Variants in FGF3 observed in about 807,000 individuals in gnomAD.
The protein encoded by FGF3 is fibroblast growth factor 3.
In FGF3, 7 loss-of-function variants were observed where a neutral mutation model predicts 9.8. The ratio of observed to expected loss-of-function variants is 0.72; its 90% confidence interval spans 0.41 to 1.35. The LOEUF is 1.35. Ranked by LOEUF, FGF3 falls within the 40% of genes most tolerant of loss-of-function variation. FGF3 has a pLI of 0.01. For synonymous variants in FGF3, 173 were observed against 157.2 expected, an observed-to-expected ratio of 1.10 and a Z score of -0.75; for missense variants, 390 against 345.6, an observed-to-expected ratio of 1.13 and a Z score of -1.02.
chr11:69,813,938 T>TGATGGGTGGATGGGTG (rs782814843), intron 2 of FGF3, among the ~76,000 whole-genome samples: 1 of 29,488 alleles, frequency 3.4e-5, no homozygotes, highest in Non-Finnish European at 7.7e-5. Flanking sequence ...GTGGATGGGT[T>TGATGGGTGGATGGGTG]GATGGGTGGA....
At chr11:69,814,111 G>A (rs193013653) in intron 2 of FGF3, among the ~76,000 whole-genome samples, 80 of 152,194 alleles carry the variant, frequency 5.3e-4, no homozygotes, top group African/African-American at 1.7e-3. Context: ...GGACAGATGG[G>A]TGAAGAGAAT....
Position 69,818,907 on chromosome 11 carries a change from G to A in FGF3, c.27C>T (p.Leu9=). The change falls in exon 1 of 3, where the codon CTC becomes CTT. Residue 9 remains leucine (L), a synonymous_variant. Transcript: ENST00000334134. ...CGGGCCAGCCGGGCTCCAGCAGGCT[G>A]AGCAGTAGCAGCCAGATTAGGCCCA... MGLIWLLL[L]SLLEPGWPAA... 8 of 1,472,722 alleles carry A rather than the reference G, an allele frequency of 5.4e-6. No homozygotes were observed. The highest frequency in any genetic ancestry group is 7.2e-6 in the Non-Finnish European group (8 of 1,118,054). The allele number at this position is 1,472,722 out of a possible 1,614,324, so 91.2% of individuals were successfully genotyped here. A position where few individuals can be genotyped will look rare whatever the true frequency, so the allele number is the denominator to read the frequency against.
Position 69,819,222 on chromosome 11 carries a change from G to T in FGF3, c.-289C>A, listed in dbSNP as rs1657697840. ...TGCGCAAAGCGCTGAAAGAAAGGAC[G>T]GTTCGCCAACAAAAGGCCGACGTGG... On this transcript the variant is annotated 5_prime_UTR_variant, in exon 1 of 3. Coordinates refer to ENST00000334134, the MANE Select transcript of FGF3 (RefSeq NM_005247.4). Among the ~76,000 whole-genome samples, 1 of 152,014 alleles carries T rather than the reference G, an allele frequency of 6.6e-6. No individual in the cohort carries two copies. Among genetic ancestry groups the T allele is most frequent in the South Asian group, 2.1e-4 (1 of 4,822 alleles).
intron 2 of FGF3, among the ~76,000 whole-genome samples, chr11:69,814,251 G>T (rs1856092064): frequency 6.6e-6 from 1 of 152,044 alleles, no homozygotes; most frequent in Non-Finnish European, 1.5e-5. Flanking sequence ...TGCTCTCAGG[G>T]ATGAGGCAGA....
At chr11:69,816,010 T>G (rs1455925892) in intron 2 of FGF3, among the ~76,000 whole-genome samples, 12 of 152,144 alleles carry the variant, frequency 7.9e-5, no homozygotes, top group Non-Finnish European at 1.3e-4. Context: ...GAACAATCAC[T>G]TCCCTGCTCT....
Position 69,819,098 on chromosome 11 carries a change from G to A in FGF3, c.-165C>T, listed in dbSNP as rs1856196837. The A allele has an allele frequency of 4.4e-6, 2 of 452,572 alleles. No individual in the cohort carries two copies. Among genetic ancestry groups the A allele is most frequent in the African/African-American group, 2.1e-5 (1 of 48,428 alleles). The allele number at this position is 452,572 out of a possible 1,614,324, so 28.0% of individuals were successfully genotyped here. On this transcript the variant is annotated 5_prime_UTR_variant, in exon 1 of 3. Coordinates refer to ENST00000334134, the MANE Select transcript of FGF3 (RefSeq NM_005247.4). ...GGTGGGGGAAGAAGGGGGAAGGGTGGGCGAGAGAGAGAAAGAGAGGGAGAG... is the reference window on the plus strand; with the variant it reads ...GGTGGGGGAAGAAGGGGGAAGGGTGAGCGAGAGAGAGAAAGAGAGGGAGAG...
At chr11:69,818,611 C>A in intron 1 of FGF3, 103 bp downstream of exon 1, 1 of 840,788 alleles carries the variant, frequency 1.2e-6, no homozygotes. Flanking sequence ...CCAGACCCCT[C>A]CCCGGCGCCG....
Position 69,819,224 on chromosome 11 carries a change from T to C in FGF3, c.-291A>G, listed in dbSNP as rs1475277794. 6.6e-6 allele frequency among the ~76,000 whole-genome samples: 1 copy of C among 151,926 alleles called. No individual in the cohort carries two copies. Among genetic ancestry groups the C allele is most frequent in the Non-Finnish European group, 1.5e-5 (1 of 67,960 alleles). On this transcript the variant is annotated 5_prime_UTR_variant, in exon 1 of 3. Coordinates refer to ENST00000334134, the MANE Select transcript of FGF3 (RefSeq NM_005247.4). ...CGCAAAGCGCTGAAAGAAAGGACGG[T>C]TCGCCAACAAAAGGCCGACGTGGTC...
rs1554981472 is a variant in FGF3, at chr11:69,818,949, G to T, written c.-16C>A. 2 of 1,448,644 alleles carry T rather than the reference G, an allele frequency of 1.4e-6. No individual in the cohort carries two copies. The highest frequency in any genetic ancestry group is 4.9e-5 in the Admixed American group (2 of 40,650). The allele number at this position is 1,448,644 out of a possible 1,614,324, so 89.7% of individuals were successfully genotyped here. ...TTAGGCCCATCGTGGCATCGCGCCCGCCCCGCGGCGGCGGCGGCTGCAGGC... is the reference window on the plus strand; with the variant it reads ...TTAGGCCCATCGTGGCATCGCGCCCTCCCCGCGGCGGCGGCGGCTGCAGGC... On this transcript the variant is annotated 5_prime_UTR_variant, in exon 1 of 3. Transcript: ENST00000334134.
In FGF3 at chr11:69,818,844, G is replaced by A. The variant is rs1417490132; in HGVS notation, c.90C>T (p.Gly30=). The A allele has an allele frequency of 1.4e-6, 2 of 1,472,096 alleles. No homozygotes were observed. Among genetic ancestry groups the A allele is most frequent in the Admixed American group, 2.4e-5 (1 of 41,816 alleles). The allele number at this position is 1,472,096 out of a possible 1,614,324, so 91.2% of individuals were successfully genotyped here. The change falls in exon 1 of 3, where the codon GGC becomes GGT. Residue 30 remains glycine (G), a synonymous_variant. Transcript: ENST00000334134. ...GGTGCTCGTAGACGCCGCCACGGCC[G>A]CCCGCATCGCGCCGCAACCGCGCCC... is the stretch of plus-strand genomic sequence containing the variant. ...GPGARLRRDA[G]GRGGVYEHLG... is the part of the protein sequence containing the mutation.
At chr11:69,815,548 G>A (rs1856117222) in intron 2 of FGF3, among the ~76,000 whole-genome samples, 1 of 152,202 alleles carries the variant, frequency 6.6e-6, no homozygotes, top group Non-Finnish European at 1.5e-5. Context: ...TCACTGCAGG[G>A]AGATTGTCCT....
chr11:69,816,342 T>C lies in FGF3; in HGVS notation c.302A>G (p.Lys101Arg). The change falls in exon 2 of 3, where the codon AAG becomes AGG. Residue 101 changes from lysine to arginine, a missense_variant. Lys to Arg is a conservative substitution (Grantham distance 26). Transcript: ENST00000334134. ...LFSGRYLAMNKRGRLYASEHY... is the reference protein window; with the variant it reads ...LFSGRYLAMNRRGRLYASEHY... ...CACCGAAGCATAGAGTCGTCCCCTC[T>C]TGTTCATGGCCAGGTACCGCCCGGA... 2 of 1,613,992 alleles carry C rather than the reference T, an allele frequency of 1.2e-6. No homozygotes were observed. The highest frequency in any genetic ancestry group is 1.7e-6 in the Non-Finnish European group (2 of 1,179,898).
intron 1 of FGF3, 22 bp downstream of exon 1, chr11:69,818,691 GC>G: frequency 6.9e-7 from 1 of 1,454,772 alleles, no homozygotes. Context: ...TTCCCCCGGG[GC>G]CCCGCAGCGT....
rs782098384 is a variant in FGF3 at position 69,816,326 on chromosome 11, A to T, written c.318T>A (p.Tyr106Ter). The T allele has an allele frequency of 1.9e-5, 31 of 1,613,196 alleles. No individual in the cohort carries two copies. The highest frequency in any genetic ancestry group is 2.5e-5 in the Non-Finnish European group (29 of 1,179,272). Reference protein sequence around the residue: ...YLAMNKRGRLYASEHYSAECE... With the variant: ...YLAMNKRGRL ...CGTGACAGCCTGGACTCACCGAAGC[A>T]TAGAGTCGTCCCCTCTTGTTCATGG... is the stretch of plus-strand genomic sequence containing the variant. The change falls in exon 2 of 3, where the codon TAT becomes TAA. Residue 106 changes from tyrosine (Y) to a stop codon, truncating the protein, a stop_gained. Coordinates refer to ENST00000334134, the MANE Select transcript of FGF3 (RefSeq NM_005247.4). LOFTEE classifies it low-confidence loss of function (END_TRUNC).
intron 2 of FGF3, 65 bp from the exon 3 acceptor site, chr11:69,810,765 TGC>T (rs1214157030): frequency 7.1e-7 from 1 of 1,415,198 alleles, no homozygotes; most frequent in Non-Finnish European, 9.5e-7. Flanking sequence ...GGCCCAGGGT[TGC>T]CTGATGCCTC....
At chr11:69,815,246 GTGGA>G (rs1341819309) in intron 2 of FGF3, among the ~76,000 whole-genome samples, 1 of 149,076 alleles carries the variant, frequency 6.7e-6, no homozygotes, top group Non-Finnish European at 1.5e-5. Flanking sequence ...GGGTGGATGG[GTGGA>G]TGGATGGATG....
intron 1 of FGF3, among the ~76,000 whole-genome samples, chr11:69,818,383 C>A (rs1856176298): frequency 6.6e-6 from 1 of 152,112 alleles, no homozygotes; most frequent in Non-Finnish European, 1.5e-5. Flanking sequence ...AGCTCGCGTC[C>A]CCTCAGACCA....
rs1554980371 is a variant in FGF3 at position 69,810,624 on chromosome 11, T to C, written c.401A>G (p.Tyr134Cys). ...LGYNTYASRLYRTVSSTPGAR... is the reference protein window; with the variant it reads ...LGYNTYASRLCRTVSSTPGAR... ...CCCAGGCGTACTAGACACCGTCCGG[T>C]ACAGCCGGGAGGCATACGTATTATA... The change falls in exon 3 of 3, where the codon TAC becomes TGC. Residue 134 changes from tyrosine (Y) to cysteine (C), a missense_variant. Tyr to Cys is a radical substitution (Grantham distance 194, BLOSUM62 -2). Coordinates refer to ENST00000334134, the MANE Select transcript of FGF3 (RefSeq NM_005247.4). The C allele has an allele frequency of 6.2e-7, 1 of 1,606,540 alleles. No homozygotes were observed. Among genetic ancestry groups the C allele is most frequent in the South Asian group, 1.1e-5 (1 of 90,704 alleles).
At chr11:69,812,722 C>T (rs1856048931) in intron 2 of FGF3, among the ~76,000 whole-genome samples, 1 of 152,164 alleles carries the variant, frequency 6.6e-6, no homozygotes, top group Admixed American at 6.5e-5. Flanking sequence ...CTGTGAGAAG[C>T]TCAGGGCAGG....
Sources: gnomAD v4.1 joint callset for allele counts (sites outside exome capture counted in the v4.1 genomes callset) on GRCh38, gnomAD v4.1.1 for gene constraint, MANE v1.5 for transcripts, NCBI Gene and HGNC (gene_info 2026-07-23, HGNC 2026-07-21) for gene names.